SBNO2: variants seen among roughly 807,000 people sequenced by gnomAD.
SBNO2 encodes protein strawberry notch homolog 2.
A neutral mutation model predicts 146.3 loss-of-function variants in SBNO2; 89 were observed. The observed-to-expected ratio is 0.61, with a 90% CI of 0.51 to 0.73. The LOEUF (loss-of-function observed/expected upper bound fraction) is 0.73. SBNO2 is among the 30% of genes least tolerant of loss of function. SBNO2 has a pLI of 0.00. For synonymous variants in SBNO2, 1,147 were observed against 892.6 expected (o/e 1.29, Z -5.08); for missense variants, 2,092 against 2,003.7 (o/e 1.04, Z -0.84).
In SBNO2 at chr19:1,122,232, G is replaced by T; in HGVS notation, c.1056C>A (p.Tyr352Ter). 6.3e-7 allele frequency: 1 copy of T among 1,578,576 alleles called. No individual in the cohort carries two copies. The highest frequency in any genetic ancestry group is 8.6e-7 in the Non-Finnish European group (1 of 1,163,068). ...CCTGGCTCTCCCCAATCAGGGCGGAGTAGGTGGCGAAGAGGACGCCCTCTG... is the reference window on the plus strand; with the variant it reads ...CCTGGCTCTCCCCAATCAGGGCGGATTAGGTGGCGAAGAGGACGCCCTCTG... ...TTSEGVLFAT[Y>*]SALIGESQAG... The change falls in exon 11 of 32, where the codon TAC (tyrosine) becomes TAA (stop). Residue 352 changes from tyrosine to a stop codon, truncating the protein, a stop_gained. Transcript: ENST00000361757. LOFTEE classifies it high-confidence loss of function.
At position 1,116,822 on chromosome 19, in the gene SBNO2, CACTT is replaced by C. The variant is rs1568565398; in HGVS notation, c.1802+3_1802+6del. On this transcript the variant is annotated splice_donor_5th_base_variant and intron_variant, in intron 16 of 31. Transcript: ENST00000361757. Reference sequence around the variant, plus strand: ...GCCCACAGTCCTGTCCCCACCGTGACACTTACTCAGCGGCCGAGACGAAGCAGTT... The same window carrying C: ...GCCCACAGTCCTGTCCCCACCGTGACACTCAGCGGCCGAGACGAAGCAGTT... The C allele has an allele frequency of 6.3e-7, 1 of 1,582,546 alleles. No individual in the cohort carries two copies. The highest frequency in any genetic ancestry group is 8.6e-7 in the Non-Finnish European group (1 of 1,165,580).
At chr19:1,166,003 T>G (rs1222135413) in intron 1 of SBNO2, among the ~76,000 whole-genome samples, 1 of 27,074 alleles carries the variant, frequency 3.7e-5, no homozygotes, top group African/African-American at 1.2e-4. Flanking sequence ...AGACCCCAGA[T>G]CCTAGATCCC....
At chr19:1,122,850 G>C (rs1336027910) in intron 8 of SBNO2, 44 bp downstream of exon 8, 9 of 1,537,476 alleles carry the variant, frequency 5.9e-6, no homozygotes, top group South Asian at 2.4e-5. Context: ...CTCCCCAGGG[G>C]CCTCGCGGAC....
At position 1,158,782 on chromosome 19, in the gene SBNO2, C is replaced by T. The variant is rs1325836985; in HGVS notation, c.-126-4380G>A. Among the ~76,000 whole-genome samples, 1 of 152,158 alleles carries T rather than the reference C, an allele frequency of 6.6e-6. No homozygotes were observed. Among genetic ancestry groups the T allele is most frequent in the Non-Finnish European group, 1.5e-5 (1 of 68,024 alleles). On this transcript the variant is annotated intron_variant, in intron 1 of 31. Transcript: ENST00000361757. This position sits in a 1 kb window ranked among gnomAD's most constrained non-coding sequence, Gnocchi z 9.9. ...CCTGAAGATGGCAAGGAGCAGGCCC[C>T]CGGGTGTCCCGGGAACCCCGCACAG... is the stretch of plus-strand genomic sequence containing the variant.
At chr19:1,121,209 C>T (rs965940213) in intron 11 of SBNO2, among the ~76,000 whole-genome samples, 4 of 152,130 alleles carry the variant, frequency 2.6e-5, no homozygotes, top group Admixed American at 6.6e-5. Flanking sequence ...TATTTTAAGA[C>T]GAAAGAAAGC....
rs1022993273 is a variant in SBNO2 at position 1,150,081 on chromosome 19, T to C, written c.94-639A>G. On this transcript the variant is annotated intron_variant, in intron 2 of 31. Transcript: ENST00000361757. This position sits in a 1 kb window ranked among gnomAD's most constrained non-coding sequence, Gnocchi z 6.2. Reference sequence around the variant, plus strand: ...GCCTGGAGGCTCAGCCCGAGGTCAGTGGAGGCGTGAGTGGCTCCAGGTTGG... The same window carrying C: ...GCCTGGAGGCTCAGCCCGAGGTCAGCGGAGGCGTGAGTGGCTCCAGGTTGG... Among the ~76,000 whole-genome samples, 2 of 152,248 alleles carry C rather than the reference T, an allele frequency of 1.3e-5. No homozygotes were observed. The highest frequency in any genetic ancestry group is 1.3e-4 in the Admixed American group (2 of 15,300).
At chr19:1,119,774 G>A (rs1361916504) in intron 12 of SBNO2, 132 bp downstream of exon 12, 7 of 942,832 alleles carry the variant, frequency 7.4e-6, no homozygotes, top group African/African-American at 4.9e-5. Flanking sequence ...CAGGCGCAGA[G>A]GTGCCCCAGT....
intron 4 of SBNO2, among the ~76,000 whole-genome samples, chr19:1,134,165 C>CACGGGTGGACTCACAGCTG (rs2080063384): frequency 6.6e-6 from 1 of 150,412 alleles, no homozygotes; most frequent in Non-Finnish European, 1.5e-5. Context: ...ACTCACAGCT[C>CACGGGTGGACTCACAGCTG]ACGGGTGGAC....
In SBNO2 at chr19:1,116,847, C is replaced by G. The variant is rs777285330; in HGVS notation, c.1784G>C (p.Cys595Ser). 2 of 1,590,836 alleles carry G rather than the reference C, an allele frequency of 1.3e-6. No individual in the cohort carries two copies. The highest frequency in any genetic ancestry group is 1.7e-5 in the Admixed American group (1 of 57,352). The part of the protein sequence containing the change: ...VLGENDGHLN[C>S]FVSAAEGVFL... ...CACTTACTCAGCGGCCGAGACGAAGCAGTTGAGGTGCCCATCGTTCTCCCC... is the reference window on the plus strand; with the variant it reads ...CACTTACTCAGCGGCCGAGACGAAGGAGTTGAGGTGCCCATCGTTCTCCCC... Residue 595 changes from cysteine (C) to serine (S), a missense_variant, in exon 16 of 32, where the codon TGC becomes TCC. By Grantham distance (112) the Cys-to-Ser change is moderately radical. Coordinates refer to ENST00000361757, the MANE Select transcript of SBNO2 (RefSeq NM_014963.3).
At chr19:1,152,143 G>T (rs77414169) in intron 2 of SBNO2, among the ~76,000 whole-genome samples, 1 of 152,210 alleles carries the variant, frequency 6.6e-6, no homozygotes, top group African/African-American at 2.4e-5. Context: ...TTACGCGCAC[G>T]GGTGCGCCCC....
chr19:1,128,534 AGGC>A (rs1287679720), intron 4 of SBNO2, among the ~76,000 whole-genome samples: 1 of 151,882 alleles, frequency 6.6e-6, no homozygotes, highest in African/African-American at 2.4e-5. Context: ...CTGGGATTAC[AGGC>A]ACGTGCCACC....
rs762415284 is a variant in SBNO2 at position 1,124,048 on chromosome 19, C to T, written c.442-26G>A. On this transcript the variant is annotated intron_variant, in intron 5 of 31. Coordinates refer to ENST00000361757, the MANE Select transcript of SBNO2 (RefSeq NM_014963.3). ...CTGGAAGGGGAGCAGGATGTCAGCC[C>T]GGGCCAGACGGGACAGGTCACAGCT... is the stretch of plus-strand genomic sequence containing the variant. 2.6e-5 allele frequency: 42 copies of T among 1,599,560 alleles called. No homozygotes were observed. In the African/African-American group the frequency reaches 4.3e-4, roughly 16 times the overall value.
At chr19:1,132,065 G>A (rs756035169) in intron 4 of SBNO2, 78 of 1,507,076 alleles carry the variant, frequency 5.2e-5, no homozygotes, top group Non-Finnish European at 6.4e-5. Context: ...CGAGGGCCTC[G>A]CCCGCCCCGG....
intron 5 of SBNO2, chr19:1,127,379 TGTG>T: frequency 1.7e-6 from 1 of 590,374 alleles, no homozygotes; most frequent in Non-Finnish European, 3.0e-6. Flanking sequence ...ACCGCCCAGA[TGTG>T]GTAGCCACAG....
At chr19:1,147,819 G>A (rs1043207113) in intron 3 of SBNO2, among the ~76,000 whole-genome samples, 15 of 151,946 alleles carry the variant, frequency 9.9e-5, no homozygotes, top group Admixed American at 2.6e-4. Flanking sequence ...CTCCCGCCTC[G>A]AAGGAGGAGA....
At chr19:1,118,900 A>T in intron 14 of SBNO2, 111 bp downstream of exon 14, 1 of 1,125,086 alleles carries the variant, frequency 8.9e-7, no homozygotes, top group Non-Finnish European at 1.2e-6. Flanking sequence ...ACCCCAGGAC[A>T]GGACAGGGCG....
Position 1,110,613 on chromosome 19 carries a change from G to T in SBNO2, c.3028+132C>A. ...CCCTCGCCCACCCGGGATGCACGGT[G>T]TTCCCACGAGCCCCTCGCCCACCCG... On this transcript the variant is annotated intron_variant, in intron 26 of 31. Coordinates refer to ENST00000361757, the MANE Select transcript of SBNO2 (RefSeq NM_014963.3). This position sits in a 1 kb window ranked among gnomAD's most constrained non-coding sequence, Gnocchi z 4.9. The T allele has an allele frequency of 8.9e-7, 1 of 1,128,444 alleles. No homozygotes were observed. Among genetic ancestry groups the T allele is most frequent in the Non-Finnish European group, 1.2e-6 (1 of 835,526 alleles). 69.9% of individuals were successfully genotyped at this position (1,128,444 alleles called of 1,614,324 possible).
chr19:1,155,519 G>A (rs762645589), intron 1 of SBNO2, among the ~76,000 whole-genome samples: 10 of 152,200 alleles, frequency 6.6e-5, no homozygotes, highest in East Asian at 1.9e-4. Flanking sequence ...GGGGACCTGC[G>A]ACACCCTTGC....
chr19:1,156,930 G>C (rs2080295482), intron 1 of SBNO2, among the ~76,000 whole-genome samples: 1 of 150,954 alleles, frequency 6.6e-6, no homozygotes, highest in Non-Finnish European at 1.5e-5. Flanking sequence ...AATCCCCCAG[G>C]ACCCGCCACT....
Sources: allele counts gnomAD v4.1 joint callset (sites outside exome capture counted in the v4.1 genomes callset), GRCh38; gene constraint gnomAD v4.1.1; non-coding constraint Gnocchi (gnomAD v3.1); transcripts MANE v1.5; gene names NCBI Gene and HGNC (gene_info 2026-07-23, HGNC 2026-07-21).